Variants in DENND1A observed in about 807,000 individuals in gnomAD.
The protein encoded by DENND1A is DENN domain containing 1A, also known as DENN domain-containing protein 1A.
A neutral mutation model predicts 113.7 loss-of-function variants in DENND1A; 51 were observed. The observed-to-expected ratio is 0.45, with a 90% confidence interval of 0.36 to 0.57. DENND1A has a LOEUF of 0.57. Among genes scored for constraint, DENND1A ranks in the 20% least tolerant of loss-of-function variants. The pLI, the probability that DENND1A is intolerant of heterozygous loss-of-function variation, is 0.00. For synonymous variants in DENND1A, 565 were observed against 570.8 expected (o/e 0.99, Z 0.14); for missense variants, 1,258 against 1,395.9 (o/e 0.90, Z 1.57).
intron 2 of DENND1A, among the ~76,000 whole-genome samples, chr9:123,796,181 G>A (rs956158184): frequency 1.1e-4 from 17 of 152,170 alleles, no homozygotes; most frequent in African/African-American, 4.1e-4. Context: ...GTAGCTCTCA[G>A]ACAAGGTTTC....
intron 5 of DENND1A, among the ~76,000 whole-genome samples, chr9:123,711,497 ATATATATG>A (rs1311368658): frequency 1.1e-5 from 1 of 91,274 alleles, no homozygotes; most frequent in African/African-American, 5.1e-5. Context: ...ATATATATAT[ATATATATG>A]TATATATGTA....
At chr9:123,653,899 T>TAAAA (rs113463548) in intron 8 of DENND1A, among the ~76,000 whole-genome samples, 6 of 137,544 alleles carry the variant, frequency 4.4e-5, no homozygotes, top group African/African-American at 1.6e-4. Flanking sequence ...AGATGAGAAA[T>TAAAA]AAAAAAAAAA....
chr9:123,624,283 C>A (rs1025509995), intron 10 of DENND1A, among the ~76,000 whole-genome samples: 4 of 152,182 alleles, frequency 2.6e-5, no homozygotes, highest in African/African-American at 9.7e-5. Flanking sequence ...CTGGCTCTTA[C>A]CACCAAGGAT....
chr9:123,911,058 T>C (rs78322873), intron 1 of DENND1A, among the ~76,000 whole-genome samples: 63 of 152,208 alleles, frequency 4.1e-4, no homozygotes, highest in African/African-American at 1.5e-3. Flanking sequence ...ATATAAAGAA[T>C]GCCTACCAAT....
intron 19 of DENND1A, among the ~76,000 whole-genome samples, chr9:123,427,732 T>G (rs1307518865): frequency 1.3e-5 from 2 of 152,212 alleles, no homozygotes; most frequent in East Asian, 3.8e-4. Flanking sequence ...CCAATTTCCC[T>G]TTCAGGAATG....
In DENND1A at chr9:123,457,839, A is replaced by C; in HGVS notation, c.1052T>G (p.Met351Arg). The change falls in exon 14 of 24, where the codon ATG (methionine) becomes AGG (arginine). Residue 351 changes from methionine to arginine, a missense_variant. By Grantham distance (91) the Met-to-Arg change is moderately conservative (BLOSUM62 -1). Transcript: ENST00000394215. ...AFVSHYRSGA[M>R]RQFLQNATQL... is the part of the protein sequence containing the mutation. ...TGTGGCGTTCTGCAGGAACTGCCTC[A>C]TGGCTCCGGAGCGGTAGTGGGACAC... 3 of 1,612,852 alleles carry C rather than the reference A, an allele frequency of 1.9e-6. No individual in the cohort carries two copies. The highest frequency in any genetic ancestry group is 2.2e-5 in the South Asian group (2 of 90,622).
At chr9:123,918,298 C>G (rs1208993572) in intron 1 of DENND1A, among the ~76,000 whole-genome samples, 1 of 150,880 alleles carries the variant, frequency 6.6e-6, no homozygotes, top group Non-Finnish European at 1.5e-5. Context: ...ACCATCCTGG[C>G]TAACACGGTG....
intron 1 of DENND1A, among the ~76,000 whole-genome samples, chr9:123,921,376 T>C (rs1452175552): frequency 6.6e-6 from 1 of 152,234 alleles, no homozygotes; most frequent in Non-Finnish European, 1.5e-5. Flanking sequence ...TGTATAGTTC[T>C]GGGAACTCAG....
chr9:123,540,865 A>G (rs1159998578), intron 13 of DENND1A, among the ~76,000 whole-genome samples: 1 of 152,346 alleles, frequency 6.6e-6, no homozygotes, highest in Non-Finnish European at 1.5e-5. Flanking sequence ...GCTGGAAACC[A>G]TCACCAAAGA....
Position 123,382,458 on chromosome 9 carries a change from CAGGGAGTTTCCGAGCAGGGCT to C in DENND1A, c.2166_2186del (p.Leu725_Leu731del), listed in dbSNP as rs1203542381. ...GGTTCTGGGGCCTTCGAGGCAGGGCCAGGGAGTTTCCGAGCAGGGCTGAGGGCTTCTCAGGGGAGGCAGCTG... is the reference window on the plus strand; with the variant it reads ...GGTTCTGGGGCCTTCGAGGCAGGGCCGAGGGCTTCTCAGGGGAGGCAGCTG... On this transcript the variant is annotated inframe_deletion, in exon 24 of 24. Transcript: ENST00000394215. The C allele has an allele frequency of 6.2e-7, 1 of 1,613,116 alleles. No homozygotes were observed. Among genetic ancestry groups the C allele is most frequent in the Admixed American group, 1.7e-5 (1 of 59,976 alleles).
chr9:123,428,939 C>T (rs989974090), intron 19 of DENND1A, among the ~76,000 whole-genome samples: 2 of 152,176 alleles, frequency 1.3e-5, no homozygotes, highest in African/African-American at 2.4e-5. Flanking sequence ...TAGAAAGAAT[C>T]AATATCATGA....
intron 3 of DENND1A, among the ~76,000 whole-genome samples, chr9:123,782,554 C>T (rs577285267): frequency 2.0e-4 from 31 of 152,232 alleles, no homozygotes; most frequent in South Asian, 4.1e-4. Flanking sequence ...GACACGAAGC[C>T]GGCAAGAATC....
chr9:123,770,082 T>C (rs1564235751), intron 3 of DENND1A, among the ~76,000 whole-genome samples: 1 of 152,224 alleles, frequency 6.6e-6, no homozygotes, highest in Admixed American at 6.5e-5. Context: ...GTCAGCTACA[T>C]TTTTTAGAGT....
chr9:123,894,973 C>CA (rs1850493672), intron 1 of DENND1A, among the ~76,000 whole-genome samples: 1 of 151,636 alleles, frequency 6.6e-6, no homozygotes, highest in Non-Finnish European at 1.5e-5. Flanking sequence ...GAGCAAAGTA[C>CA]AGAGGTATGA....
intron 8 of DENND1A, among the ~76,000 whole-genome samples, chr9:123,665,927 T>C (rs964345067): frequency 6.6e-6 from 1 of 152,178 alleles, no homozygotes; most frequent in African/African-American, 2.4e-5. Flanking sequence ...TTTGAAGGTA[T>C]TATGCTAAGT....
chr9:123,754,205 G>C (rs950408623), intron 5 of DENND1A, among the ~76,000 whole-genome samples: 2 of 152,148 alleles, frequency 1.3e-5, no homozygotes, highest in African/African-American at 4.8e-5. Context: ...CAGCAGAAGA[G>C]GACAATACAA....
chr9:123,886,165 G>C (rs906287815), intron 1 of DENND1A, among the ~76,000 whole-genome samples: 1 of 152,040 alleles, frequency 6.6e-6, no homozygotes, highest in Admixed American at 6.6e-5. Flanking sequence ...CAGCAGCAAA[G>C]CTTAATGGCG....
intron 13 of DENND1A, among the ~76,000 whole-genome samples, chr9:123,517,656 CA>C (rs995625773): frequency 3.3e-5 from 5 of 151,444 alleles, no homozygotes; most frequent in African/African-American, 9.7e-5. Context: ...ACAAAACAAA[CA>C]AAAAAAACAA....
At chr9:123,887,668 T>G (rs562038910) in intron 1 of DENND1A, among the ~76,000 whole-genome samples, 1 of 147,100 alleles carries the variant, frequency 6.8e-6, no homozygotes, top group East Asian at 2.0e-4. Flanking sequence ...TGAGTGGGAG[T>G]CAGAGTCCAA....
Sources: gnomAD v4.1 joint callset for allele counts (sites outside exome capture counted in the v4.1 genomes callset) on GRCh38, gnomAD v4.1.1 for gene constraint, MANE v1.5 for transcripts, NCBI Gene and HGNC (gene_info 2026-07-23, HGNC 2026-07-21) for gene names.